The following CDH13 variants were observed in gnomAD, a reference collection of about 807,000 sequenced individuals.
The protein encoded by CDH13 is cadherin-13.
A neutral mutation model predicts 63.8 loss-of-function variants in CDH13; 24 were observed. The ratio of observed to expected loss-of-function variants is 0.38; its 90% CI spans 0.27 to 0.53. The LOEUF is 0.53. CDH13 is among the 20% of genes least tolerant of loss of function. The probability of loss-of-function intolerance (pLI) is 0.85; values close to 1 mark genes in which losing one functional copy is unlikely to be tolerated. For synonymous variants in CDH13, 503 were observed against 355.3 expected, an observed-to-expected ratio of 1.42 and a Z score of -4.67; for missense variants, 1,049 against 903.1, an observed-to-expected ratio of 1.16 and a Z score of -2.07.
chr16:83,185,966 T>C (rs1017703223), intron 4 of CDH13, among the ~76,000 whole-genome samples: 1 of 152,170 alleles, frequency 6.6e-6, no homozygotes, highest in Non-Finnish European at 1.5e-5. Flanking sequence ...TTCTGTATTG[T>C]CTAATGGAAG....
intron 10 of CDH13, chr16:83,735,313 C>G (rs1413293155): frequency 6.6e-6 from 1 of 152,216 alleles, no homozygotes; most frequent in East Asian, 1.9e-4. Flanking sequence ...AGTCAAATCA[C>G]TCTTTCGAAG....
chr16:83,318,804 C>T (rs999867096), intron 5 of CDH13, among the ~76,000 whole-genome samples: 1 of 152,106 alleles, frequency 6.6e-6, no homozygotes, highest in Non-Finnish European at 1.5e-5. Context: ...AGTGACCAGA[C>T]AATGGTGCTG....
At chr16:83,261,314 T>G (rs559991468) in intron 5 of CDH13, among the ~76,000 whole-genome samples, 1 of 152,258 alleles carries the variant, frequency 6.6e-6, no homozygotes, top group South Asian at 2.1e-4. Context: ...GTTAACTTCA[T>G]CCCCTCGATA....
At chr16:83,768,377 A>C (rs1392353735) in intron 11 of CDH13, among the ~76,000 whole-genome samples, 1 of 152,194 alleles carries the variant, frequency 6.6e-6, no homozygotes, top group Non-Finnish European at 1.5e-5. Flanking sequence ...CACACACACA[A>C]ATTGTAATCG....
chr16:83,708,850 C>G (rs183561136), intron 10 of CDH13, among the ~76,000 whole-genome samples: 2 of 151,958 alleles, frequency 1.3e-5, no homozygotes, highest in Non-Finnish European at 2.9e-5. Context: ...TGTGGTGAAA[C>G]CTATCTCTAC....
chr16:82,681,347 A>C (rs1217391546), intron 1 of CDH13, among the ~76,000 whole-genome samples: 2 of 152,100 alleles, frequency 1.3e-5, no homozygotes, highest in Admixed American at 1.3e-4. Context: ...GGCGTGGAGG[A>C]GGAGGGAATG....
At chr16:82,862,307 C>A (rs1321782823) in intron 2 of CDH13, among the ~76,000 whole-genome samples, 1 of 152,200 alleles carries the variant, frequency 6.6e-6, no homozygotes, top group Non-Finnish European at 1.5e-5. Flanking sequence ...AGCCACCCAG[C>A]TGGGATGGGA....
chr16:83,788,044 G>A lies in CDH13; in HGVS notation c.2134+4572G>A, dbSNP rs1033293596. Reference sequence around the variant, plus strand: ...TTGCAAAGAGATAAAAATTCTATGTGTGTGTAGTGGGAATGCATATACACA... The same window carrying A: ...TTGCAAAGAGATAAAAATTCTATGTATGTGTAGTGGGAATGCATATACACA... On this transcript the variant is annotated intron_variant, in intron 13 of 13. Coordinates refer to ENST00000567109, the MANE Select transcript of CDH13 (RefSeq NM_001257.5). Among the ~76,000 whole-genome samples the A allele has an allele frequency of 9.8e-5, 15 of 152,352 alleles. No homozygotes were observed. In the South Asian group the frequency reaches 1.2e-3, roughly 13 times the overall value.
intron 1 of CDH13, among the ~76,000 whole-genome samples, chr16:82,800,923 C>T (rs563372091): frequency 2.6e-5 from 4 of 152,002 alleles, no homozygotes; most frequent in South Asian, 2.1e-4. Context: ...TTCCTCCTTT[C>T]GACTCCATTT....
At chr16:83,128,198 C>G (rs150950344) in intron 4 of CDH13, among the ~76,000 whole-genome samples, 76 of 152,266 alleles carry the variant, frequency 5.0e-4, no homozygotes, top group African/African-American at 1.8e-3. Flanking sequence ...GGGGTGAGGA[C>G]CATGCATCAA....
At chr16:83,596,416 G>A (rs574251493) in intron 7 of CDH13, among the ~76,000 whole-genome samples, 54 of 138,290 alleles carry the variant, frequency 3.9e-4, no homozygotes, top group African/African-American at 1.6e-3. Flanking sequence ...GCTTGAATTA[G>A]GGAGTTACCT....
intron 6 of CDH13, among the ~76,000 whole-genome samples, chr16:83,378,657 G>T (rs141778797): frequency 1.1e-3 from 161 of 152,124 alleles, no homozygotes; most frequent in African/African-American, 3.6e-3. Context: ...TATCATATTT[G>T]CATGACCTTA....
intron 1 of CDH13, among the ~76,000 whole-genome samples, chr16:82,814,625 G>A (rs1370087968): frequency 6.6e-6 from 1 of 152,118 alleles, no homozygotes; most frequent in Non-Finnish European, 1.5e-5. Context: ...GCATCTCTTG[G>A]TGTGACTGTT....
intron 6 of CDH13, among the ~76,000 whole-genome samples, chr16:83,444,333 T>C (rs1488661128): frequency 6.6e-6 from 1 of 152,220 alleles, no homozygotes. Flanking sequence ...TCTTATTTAA[T>C]CTTCAGCACC....
chr16:82,957,124 A>T (rs1906238165), intron 2 of CDH13, among the ~76,000 whole-genome samples: 1 of 152,124 alleles, frequency 6.6e-6, no homozygotes, highest in South Asian at 2.1e-4. Context: ...ATTCTATCCC[A>T]GTCAGTGGGA....
intron 1 of CDH13, among the ~76,000 whole-genome samples, chr16:82,680,128 C>A (rs1914386393): frequency 6.6e-6 from 1 of 152,144 alleles, no homozygotes; most frequent in South Asian, 2.1e-4. Flanking sequence ...ATTGTTGGCT[C>A]AGCATCTGGG....
At chr16:82,729,751 C>A (rs938524088) in intron 1 of CDH13, among the ~76,000 whole-genome samples, 2 of 152,192 alleles carry the variant, frequency 1.3e-5, no homozygotes. Context: ...TTCTCTCTAT[C>A]TAGGCAATTC....
intron 2 of CDH13, among the ~76,000 whole-genome samples, chr16:82,913,448 A>G (rs935308604): frequency 6.6e-6 from 1 of 151,606 alleles, no homozygotes; most frequent in Non-Finnish European, 1.5e-5. Flanking sequence ...CCTCCTCCTT[A>G]CCCTGGACTG....
intron 1 of CDH13, among the ~76,000 whole-genome samples, chr16:82,753,240 A>G (rs768099278): frequency 6.6e-5 from 10 of 152,218 alleles, no homozygotes; most frequent in Non-Finnish European, 1.2e-4. Context: ...AAGTACATGG[A>G]TGGCATCTCA....
Sources: gnomAD v4.1 joint callset for allele counts (sites outside exome capture counted in the v4.1 genomes callset) on GRCh38, gnomAD v4.1.1 for gene constraint, MANE v1.5 for transcripts, NCBI Gene and HGNC (gene_info 2026-07-23, HGNC 2026-07-21) for gene names.